Variants in SIL1 observed in about 807,000 individuals in gnomAD.
The protein encoded by SIL1 is nucleotide exchange factor SIL1.
SIL1 carries 40 observed loss-of-function variants against 49.1 expected under a neutral mutation model. That is an observed-to-expected ratio of 0.81 (90% confidence interval 0.63 to 1.06). SIL1 has a LOEUF of 1.06. Ranked by LOEUF, SIL1 falls within the 50% of genes least tolerant of loss-of-function variation. The probability of loss-of-function intolerance (pLI) is 0.00; values close to 1 mark genes in which losing one functional copy is unlikely to be tolerated. For synonymous variants in SIL1, 253 were observed against 250.8 expected (o/e 1.01, Z -0.08); for missense variants, 500 against 572.6 (o/e 0.87, Z 1.29).
intron 1 of SIL1, among the ~76,000 whole-genome samples, chr5:139,144,568 G>C (rs758721250): frequency 6.6e-6 from 1 of 151,962 alleles, no homozygotes; most frequent in African/African-American, 2.4e-5. Context: ...TTTAAAGGAC[G>C]AAATTTAAAA....
At chr5:139,064,584 C>A (rs1769660685) in intron 3 of SIL1, among the ~76,000 whole-genome samples, 1 of 152,170 alleles carries the variant, frequency 6.6e-6, no homozygotes, top group South Asian at 2.1e-4. Context: ...AATGACAATC[C>A]AAATTTTCTG....
At chr5:139,167,774 T>C (rs1452176908) in intron 1 of SIL1, among the ~76,000 whole-genome samples, 1 of 152,232 alleles carries the variant, frequency 6.6e-6, no homozygotes, top group African/African-American at 2.4e-5. Flanking sequence ...ACTTACTCAC[T>C]GACTCACCTA....
At chr5:138,949,733 T>C (rs2150376174) in intron 9 of SIL1, among the ~76,000 whole-genome samples, 1 of 143,060 alleles carries the variant, frequency 7.0e-6, no homozygotes, top group East Asian at 2.0e-4. Context: ...ATCACTTGAG[T>C]CTGGGAGGCA....
At chr5:139,018,322 A>G (rs999353772) in intron 7 of SIL1, among the ~76,000 whole-genome samples, 6 of 152,132 alleles carry the variant, frequency 3.9e-5, no homozygotes, top group African/African-American at 1.4e-4. Context: ...GAGACCGGAC[A>G]TGGTGGCTCA....
intron 1 of SIL1, among the ~76,000 whole-genome samples, chr5:139,144,965 C>G (rs1458214685): frequency 6.6e-6 from 1 of 152,056 alleles, no homozygotes; most frequent in Non-Finnish European, 1.5e-5. Context: ...AAATATTACA[C>G]TAAAATCACA....
chr5:139,093,899 C>T (rs1770396521), intron 3 of SIL1: 1 of 152,212 alleles, frequency 6.6e-6, no homozygotes, highest in African/African-American at 2.4e-5. Context: ...CACACATACT[C>T]CACATCTGTC....
chr5:138,951,318 G>A lies in SIL1; in HGVS notation c.882C>T (p.Cys294=). 6 of 1,556,090 alleles carry A rather than the reference G, an allele frequency of 3.9e-6. No individual in the cohort carries two copies. The highest frequency in any genetic ancestry group is 5.2e-6 in the Non-Finnish European group (6 of 1,149,364). The change falls in exon 9 of 10, where the codon TGC becomes TGT. Residue 294 remains cysteine, a synonymous_variant. Coordinates refer to ENST00000394817, the MANE Select transcript of SIL1 (RefSeq NM_022464.5). Reference sequence around the variant, plus strand: ...CATAGGGGAAGTGGCGCAGCAGGGAGCACAGTGCAAACAGGACCTGGGGGC... The same window carrying A: ...CATAGGGGAAGTGGCGCAGCAGGGAACACAGTGCAAACAGGACCTGGGGGC... ...TAKKKVLFAL[C]SLLRHFPYAQ... is the part of the protein sequence containing the mutation.
At chr5:139,051,292 C>A (rs529181379) in intron 3 of SIL1, 75 of 537,820 alleles carry the variant, frequency 1.4e-4, no homozygotes, top group African/African-American at 1.4e-3. Context: ...ACACTTGAAT[C>A]TAGAGACCAA....
chr5:138,965,691 G>A (rs1767124457), intron 7 of SIL1, among the ~76,000 whole-genome samples: 1 of 149,276 alleles, frequency 6.7e-6, no homozygotes, highest in South Asian at 2.1e-4. Flanking sequence ...CACCCACGGA[G>A]GGGGATAACA....
At chr5:138,983,283 C>T (rs1402653739) in intron 7 of SIL1, among the ~76,000 whole-genome samples, 6 of 145,314 alleles carry the variant, frequency 4.1e-5, no homozygotes, top group South Asian at 2.2e-4. Flanking sequence ...CCGAGGAGGG[C>T]GGATCACGAG....
chr5:139,118,733 C>G (rs968056147), intron 3 of SIL1, among the ~76,000 whole-genome samples: 2 of 152,188 alleles, frequency 1.3e-5, no homozygotes, highest in Admixed American at 6.5e-5. Context: ...GTACCATAAT[C>G]TGGTTGAAGG....
At chr5:139,168,952 T>C in intron 1 of SIL1, among the ~76,000 whole-genome samples, 1 of 145,618 alleles carries the variant, frequency 6.9e-6, no homozygotes, top group Non-Finnish European at 1.5e-5. Flanking sequence ...ATGAAGACCC[T>C]GTCTCAAAAA....
chr5:139,121,285 C>G (rs1265705926), intron 2 of SIL1, 112 bp from the exon 3 acceptor site: 6 of 1,437,624 alleles, frequency 4.2e-6, no homozygotes, highest in Non-Finnish European at 5.8e-6. Context: ...TCCCCCACAG[C>G]CTGATATGTC....
At chr5:139,160,969 C>T (rs543998810) in intron 1 of SIL1, among the ~76,000 whole-genome samples, 5 of 151,564 alleles carry the variant, frequency 3.3e-5, no homozygotes, top group South Asian at 4.2e-4. Context: ...ACAGGCTGGG[C>T]GCGGTGGCTC....
At chr5:139,001,815 G>A (rs1258412650) in intron 7 of SIL1, among the ~76,000 whole-genome samples, 2 of 152,078 alleles carry the variant, frequency 1.3e-5, no homozygotes, top group African/African-American at 4.8e-5. Context: ...TGAGGCAGGA[G>A]AATGGTGTGA....
At chr5:139,074,945 C>T (rs1238240906) in intron 3 of SIL1, among the ~76,000 whole-genome samples, 2 of 152,170 alleles carry the variant, frequency 1.3e-5, no homozygotes, top group Non-Finnish European at 2.9e-5. Flanking sequence ...CTGCCTCAGC[C>T]TCCTGAGTAG....
intron 5 of SIL1, among the ~76,000 whole-genome samples, chr5:139,029,213 T>C (rs1408628140): frequency 6.6e-6 from 1 of 152,186 alleles, no homozygotes; most frequent in Non-Finnish European, 1.5e-5. Context: ...GAAATTTGAA[T>C]TGAATGTACA....
chr5:139,126,336 A>C (rs927230316), intron 2 of SIL1, among the ~76,000 whole-genome samples: 1 of 152,248 alleles, frequency 6.6e-6, no homozygotes, highest in Non-Finnish European at 1.5e-5. Flanking sequence ...CTGAAAGCTC[A>C]TCTATTTGGT....
intron 3 of SIL1, among the ~76,000 whole-genome samples, chr5:139,069,709 T>G (rs1478272132): frequency 6.6e-6 from 1 of 152,190 alleles, no homozygotes; most frequent in Non-Finnish European, 1.5e-5. Flanking sequence ...GTAAGGCATA[T>G]TCTAGTAAAA....
Sources: gnomAD v4.1 joint callset for allele counts (sites outside exome capture counted in the v4.1 genomes callset) on GRCh38, gnomAD v4.1.1 for gene constraint, MANE v1.5 for transcripts, NCBI Gene and HGNC (gene_info 2026-07-23, HGNC 2026-07-21) for gene names.